The following PCDHA3 variants were observed in gnomAD, a reference collection of about 807,000 sequenced individuals.
The protein encoded by PCDHA3 is protocadherin alpha 3, also known as protocadherin alpha-3.
A neutral mutation model predicts 62.2 loss-of-function variants in PCDHA3; 41 were observed. The ratio of observed to expected loss-of-function variants is 0.66; its 90% CI spans 0.51 to 0.86. The LOEUF is 0.86. Among genes scored for constraint, PCDHA3 ranks in the 40% least tolerant of loss-of-function variants. The pLI, the probability that PCDHA3 is intolerant of heterozygous loss-of-function variation, is 0.00. For missense variants in PCDHA3, 1,304 were observed against 1,241.2 expected (o/e 1.05, Z -0.76); for synonymous variants, 640 against 555.4 (o/e 1.15, Z -2.14).
intron 3 of PCDHA3, among the ~76,000 whole-genome samples, chr5:140,994,595 C>CT (rs1554254262): frequency 6.6e-6 from 1 of 151,984 alleles, no homozygotes; most frequent in East Asian, 1.9e-4. Context: ...GTCTCAGCTA[C>CT]TTGGGAGGCT....
intron 1 of PCDHA3, among the ~76,000 whole-genome samples, chr5:140,915,115 A>T (rs2076990702): frequency 1.3e-5 from 2 of 151,346 alleles, no homozygotes; most frequent in African/African-American, 4.9e-5. Context: ...CACCCACCTA[A>T]TTTTTATATT....
rs1554263795 is a variant in PCDHA3 at position 141,012,061 on chromosome 5, C to T, written c.*2124C>T. 1 of 153,730 alleles carries T rather than the reference C, an allele frequency of 6.5e-6. No homozygotes were observed. The highest frequency in any genetic ancestry group is 1.9e-4 in the East Asian group (1 of 5,194). The allele number at this position is 153,730 out of a possible 1,614,324, so 9.5% of individuals were successfully genotyped here. A position where few individuals can be genotyped will look rare whatever the true frequency, so the allele number is the denominator to read the frequency against. The stretch of plus-strand genomic sequence containing the variant: ...CATGGGGTAAAACTTGTTACCAACA[C>T]ATGTGAACCATTGCTACATTGTAGG... On this transcript the variant is annotated 3_prime_UTR_variant, in exon 4 of 4. Coordinates refer to ENST00000522353, the MANE Select transcript of PCDHA3 (RefSeq NM_018906.3).
chr5:140,814,801 T>G (rs1765593283), intron 1 of PCDHA3: 1 of 152,204 alleles, frequency 6.6e-6, no homozygotes, highest in East Asian at 1.9e-4. Context: ...ATACAACACT[T>G]GACTTTATTG....
chr5:140,890,350 T>C (rs1199144948), intron 1 of PCDHA3, among the ~76,000 whole-genome samples: 1 of 152,186 alleles, frequency 6.6e-6, no homozygotes, highest in Non-Finnish European at 1.5e-5. Flanking sequence ...GTTTACTATA[T>C]AGCAATGGAT....
chr5:140,995,812 G>A (rs2097699173), intron 3 of PCDHA3, among the ~76,000 whole-genome samples: 1 of 152,202 alleles, frequency 6.6e-6, no homozygotes, highest in Non-Finnish European at 1.5e-5. Flanking sequence ...TTTCTGAAGG[G>A]AGATAGCCTG....
At chr5:140,863,008 T>A (rs782045594) in intron 1 of PCDHA3, 1 of 551,826 alleles carries the variant, frequency 1.8e-6, no homozygotes, top group Non-Finnish European at 3.6e-6. Context: ...ACTCCAGCTA[T>A]GACGCCTGGT....
chr5:140,979,241 G>A (rs766062040), intron 2 of PCDHA3, among the ~76,000 whole-genome samples: 4 of 152,150 alleles, frequency 2.6e-5, no homozygotes, highest in Non-Finnish European at 5.9e-5. Context: ...CACAGAAACA[G>A]GCTGCTATGT....
At chr5:140,875,467 T>G in intron 1 of PCDHA3, 2 of 1,600,082 alleles carry the variant, frequency 1.2e-6, no homozygotes, top group Non-Finnish European at 1.7e-6. Flanking sequence ...GCCCTCATTT[T>G]CTGCAATGGT....
intron 1 of PCDHA3, chr5:140,841,773 G>T (rs1292935559): frequency 6.2e-7 from 1 of 1,613,894 alleles, no homozygotes; most frequent in Admixed American, 1.7e-5. Flanking sequence ...CCAGACTCTC[G>T]GTTTCCGCTA....
chr5:140,834,604 T>G (rs2150222794), intron 1 of PCDHA3: 1 of 1,614,158 alleles, frequency 6.2e-7, no homozygotes, highest in South Asian at 1.1e-5. Context: ...CGTGGGGATC[T>G]TCTGGAGGTA....
At chr5:140,841,198 C>A in intron 1 of PCDHA3, 1 of 1,281,352 alleles carries the variant, frequency 7.8e-7, no homozygotes, top group Non-Finnish European at 1.1e-6. Context: ...TTTTCTCTGA[C>A]AGCATCTGTC....
At chr5:140,990,097 T>C (rs2097373826) in intron 3 of PCDHA3, among the ~76,000 whole-genome samples, 1 of 151,922 alleles carries the variant, frequency 6.6e-6, no homozygotes, top group African/African-American at 2.4e-5. Flanking sequence ...GTGCTACTAT[T>C]GAAACAGGAA....
intron 1 of PCDHA3, chr5:140,876,440 T>G (rs369023443): frequency 3.7e-6 from 6 of 1,613,994 alleles, no homozygotes; most frequent in Admixed American, 1.7e-5. Flanking sequence ...GTTAACGCCA[T>G]TGATAAAGGG....
chr5:140,836,991 C>G (rs1167342792), intron 1 of PCDHA3: 5 of 347,512 alleles, frequency 1.4e-5, no homozygotes, highest in African/African-American at 8.6e-5. Context: ...GAGGACTTTG[C>G]TAACTGGAGC....
intron 1 of PCDHA3, chr5:140,857,559 C>G (rs550275293): frequency 2.5e-6 from 4 of 1,596,876 alleles, no homozygotes; most frequent in Non-Finnish European, 3.4e-6. Context: ...CGCTCGCTGT[C>G]GAGCTACGTG....
At chr5:140,948,292 A>G (rs1174586168) in intron 1 of PCDHA3, among the ~76,000 whole-genome samples, 1 of 151,576 alleles carries the variant, frequency 6.6e-6, no homozygotes, top group Non-Finnish European at 1.5e-5. Flanking sequence ...AATTTTGTAA[A>G]GAATATCTTT....
intron 1 of PCDHA3, among the ~76,000 whole-genome samples, chr5:140,872,146 T>C (rs1554166047): frequency 6.6e-6 from 1 of 152,134 alleles, no homozygotes; most frequent in African/African-American, 2.4e-5. Context: ...ACTCCATTAG[T>C]ATGACATGAT....
At chr5:140,979,384 G>A (rs1243693033) in intron 2 of PCDHA3, among the ~76,000 whole-genome samples, 3 of 151,896 alleles carry the variant, frequency 2.0e-5, no homozygotes, top group African/African-American at 7.3e-5. Context: ...ATTGTGCAAT[G>A]TATACATACA....
At chr5:140,836,625 T>C in intron 1 of PCDHA3, 1 of 1,613,558 alleles carries the variant, frequency 6.2e-7, no homozygotes, top group Non-Finnish European at 8.5e-7. Flanking sequence ...GGTGGGGAGC[T>C]GGTCATTCTC....
Sources: allele counts gnomAD v4.1 joint callset (sites outside exome capture counted in the v4.1 genomes callset), GRCh38; gene constraint gnomAD v4.1.1; transcripts MANE v1.5; gene names NCBI Gene and HGNC (gene_info 2026-07-23, HGNC 2026-07-21).